ZC3H11A: variants seen among roughly 807,000 people sequenced by gnomAD.
The protein encoded by ZC3H11A is zinc finger CCCH-type containing 11A.
In ZC3H11A, 22 loss-of-function variants were observed where a neutral mutation model predicts 90.8. That is an observed-to-expected ratio of 0.24 (90% CI 0.17 to 0.35). ZC3H11A has a LOEUF of 0.35. ZC3H11A is among the 10% of genes least tolerant of loss of function. The pLI, the probability that ZC3H11A is intolerant of heterozygous loss-of-function variation, is 1.00. For synonymous variants in ZC3H11A, 294 were observed against 339.8 expected, an observed-to-expected ratio of 0.87 and a Z score of 1.48; for missense variants, 701 against 964.9, an observed-to-expected ratio of 0.73 and a Z score of 3.62.
At chr1:203,798,043 G>A (rs917413685) in intron 1 of ZC3H11A, 11 of 1,534,946 alleles carry the variant, frequency 7.2e-6, no homozygotes, top group African/African-American at 1.4e-5. Flanking sequence ...ACTCTTCAAC[G>A]ACATCTGCAA....
chr1:203,822,822 C>G (rs1016166113), intron 4 of ZC3H11A, among the ~76,000 whole-genome samples: 1 of 152,108 alleles, frequency 6.6e-6, no homozygotes. Flanking sequence ...ACTCCAATAC[C>G]CTGCTCTGGG....
chr1:203,823,129 C>T (rs1679334719), intron 4 of ZC3H11A, among the ~76,000 whole-genome samples: 1 of 152,144 alleles, frequency 6.6e-6, no homozygotes, highest in African/African-American at 2.4e-5. Context: ...TGGCACAGCT[C>T]CTATGGAGGG....
intron 1 of ZC3H11A, chr1:203,797,901 A>T (rs1669159059): frequency 6.5e-7 from 1 of 1,536,084 alleles, no homozygotes; most frequent in Non-Finnish European, 8.7e-7. Context: ...CTATCTACCT[A>T]GTACTAGAGC....
intron 14 of ZC3H11A, among the ~76,000 whole-genome samples, chr1:203,849,478 G>A (rs1688754472): frequency 6.6e-6 from 1 of 152,190 alleles, no homozygotes; most frequent in Admixed American, 6.5e-5. Flanking sequence ...ATTTGACTTA[G>A]AGTCATGGTT....
At position 203,848,417 on chromosome 1, in the gene ZC3H11A, A is replaced by G. The variant is rs779476271; in HGVS notation, c.1623+10A>G. The stretch of plus-strand genomic sequence containing the variant: ...AACAGAAGCTAAAGAGGTAAATTTA[A>G]GATTATTGTATGGTTTTGTTCATGG... On this transcript the variant is annotated intron_variant, in intron 14 of 17. Coordinates refer to ENST00000367210, the MANE Select transcript of ZC3H11A (RefSeq NM_001376342.1). 3.8e-5 allele frequency: 60 copies of G among 1,599,842 alleles called. No homozygotes were observed. Among genetic ancestry groups the G allele is most frequent in the Non-Finnish European group, 5.0e-5 (59 of 1,173,282 alleles).
chr1:203,831,140 C>G (rs766329320), intron 8 of ZC3H11A, among the ~76,000 whole-genome samples: 74 of 151,704 alleles, frequency 4.9e-4, no homozygotes, highest in Non-Finnish European at 8.1e-4. Flanking sequence ...GACAGGGTTT[C>G]TCCATGTTGG....
intron 7 of ZC3H11A, 61 bp from the exon 8 acceptor site, chr1:203,830,062 A>G: frequency 7.1e-7 from 1 of 1,415,476 alleles, no homozygotes; most frequent in African/African-American, 1.4e-5. Flanking sequence ...TGCTATGTAC[A>G]GATAAAATAC....
In ZC3H11A at chr1:203,852,443, T is replaced by G. The variant is rs780749126; in HGVS notation, c.*44T>G. On this transcript the variant is annotated 3_prime_UTR_variant, in exon 18 of 18. Coordinates refer to ENST00000367210, the MANE Select transcript of ZC3H11A (RefSeq NM_001376342.1). The stretch of plus-strand genomic sequence containing the variant: ...TTTAAAAAAAAAATCGCCAAAAAAC[T>G]GGACTTAGTTTCATCTATTGTAACA... 1.2e-6 allele frequency: 2 copies of G among 1,601,406 alleles called. No homozygotes were observed. Among genetic ancestry groups the G allele is most frequent in the Non-Finnish European group, 1.7e-6 (2 of 1,174,830 alleles).
At chr1:203,818,484 T>C in intron 3 of ZC3H11A, 86 bp from the exon 4 acceptor site, 1 of 1,573,434 alleles carries the variant, frequency 6.4e-7, no homozygotes, top group Non-Finnish European at 8.7e-7. Context: ...TTTGTGCTTG[T>C]CTAAATTCCA....
At chr1:203,821,879 T>C (rs767000047) in intron 4 of ZC3H11A, among the ~76,000 whole-genome samples, 46 of 151,968 alleles carry the variant, frequency 3.0e-4, no homozygotes, top group Admixed American at 7.9e-4. Context: ...TGTTTCAGTC[T>C]CCCGAGTAGC....
At position 203,795,729 on chromosome 1, in the gene ZC3H11A, G is replaced by GA. The variant is rs1297802713; in HGVS notation, c.-1650dup. The GA allele has an allele frequency of 6.6e-6, 1 of 152,246 alleles. No homozygotes were observed. The highest frequency in any genetic ancestry group is 1.5e-5 in the Non-Finnish European group (1 of 68,060). 9.4% of individuals were successfully genotyped at this position (152,246 alleles called of 1,614,324 possible). On this transcript the variant is annotated 5_prime_UTR_variant, in exon 1 of 18. Coordinates refer to ENST00000367210, the MANE Select transcript of ZC3H11A (RefSeq NM_001376342.1). Reference sequence around the variant, plus strand: ...ACGGACGGCAGCGGCCAAGCAAGAAGAAAGACGTGGCAGCAAGCGGGAGTC... The same window carrying GA: ...ACGGACGGCAGCGGCCAAGCAAGAAGAAAAGACGTGGCAGCAAGCGGGAGTC...
chr1:203,819,075 AAAAT>A (rs1373628980), intron 4 of ZC3H11A, among the ~76,000 whole-genome samples: 5 of 92,566 alleles, frequency 5.4e-5, no homozygotes, highest in East Asian at 3.0e-4. Flanking sequence ...CTCAAAAAAA[AAAAT>A]ATATATATAT....
intron 5 of ZC3H11A, 70 bp from the exon 6 acceptor site, chr1:203,829,380 TG>T: frequency 1.4e-6 from 2 of 1,478,128 alleles, no homozygotes; most frequent in Non-Finnish European, 1.9e-6. Flanking sequence ...TTTTCATAGG[TG>T]GTCAGGAATT....
intron 12 of ZC3H11A, among the ~76,000 whole-genome samples, chr1:203,844,658 G>C (rs902056055): frequency 3.9e-5 from 6 of 152,080 alleles, no homozygotes; most frequent in Non-Finnish European, 7.3e-5. Flanking sequence ...CCTCTCTCCT[G>C]ACTGGGAGAC....
At chr1:203,829,406 G>A in intron 5 of ZC3H11A, 45 bp from the exon 6 acceptor site, 8 of 1,606,194 alleles carry the variant, frequency 5.0e-6, no homozygotes, top group Non-Finnish European at 6.8e-6. Flanking sequence ...GTAAGTTGGG[G>A]TTGTATCTTC....
intron 12 of ZC3H11A, among the ~76,000 whole-genome samples, chr1:203,841,343 G>A (rs1424733689): frequency 6.6e-6 from 1 of 152,034 alleles, no homozygotes; most frequent in East Asian, 1.9e-4. Flanking sequence ...TGAGATTAGG[G>A]AGTGGTGATG....
chr1:203,818,748 A>G (rs191907007), intron 4 of ZC3H11A, 59 bp downstream of exon 4: 63 of 1,610,592 alleles, frequency 3.9e-5, no homozygotes, highest in Non-Finnish European at 5.1e-5. Flanking sequence ...GGGCCAATAA[A>G]AAATATAGGG....
At chr1:203,806,149 G>A (rs369277917) in intron 2 of ZC3H11A, 139 of 503,182 alleles carry the variant, frequency 2.8e-4, no homozygotes, top group African/African-American at 2.6e-3. Flanking sequence ...CACTAGCTCA[G>A]CATCCAATCT....
At chr1:203,811,655 T>G (rs1674523295) in intron 2 of ZC3H11A, among the ~76,000 whole-genome samples, 1 of 152,168 alleles carries the variant, frequency 6.6e-6, no homozygotes, top group Non-Finnish European at 1.5e-5. Flanking sequence ...ACTACAGTTG[T>G]GGGCTACCAC....
Sources: allele counts gnomAD v4.1 joint callset (sites outside exome capture counted in the v4.1 genomes callset), GRCh38; gene constraint gnomAD v4.1.1; transcripts MANE v1.5; gene names NCBI Gene and HGNC (gene_info 2026-07-23, HGNC 2026-07-21).